The following TXLNB variants were observed in gnomAD, a reference collection of about 807,000 sequenced individuals.
TXLNB encodes the protein taxilin beta.
TXLNB carries 37 observed loss-of-function variants against 57.4 expected under a neutral mutation model. The ratio of observed to expected loss-of-function variants is 0.64; its 90% CI spans 0.50 to 0.85. The LOEUF is 0.85. Ranked by LOEUF, TXLNB falls within the 40% of genes least tolerant of loss-of-function variation. The pLI is 0.00. For synonymous variants in TXLNB, 302 were observed against 309.6 expected, an observed-to-expected ratio of 0.98 and a Z score of 0.26; for missense variants, 848 against 825.6, an observed-to-expected ratio of 1.03 and a Z score of -0.33.
At chr6:139,211,471 C>T in the TXLNB span, among the ~76,000 whole-genome samples, 1 of 152,136 alleles carries the variant, frequency 6.6e-6, no homozygotes, top group East Asian at 1.9e-4. Flanking sequence ...ACACCAAAAA[C>T]CCATCTGTAC....
Position 139,270,326 on chromosome 6 carries a change from C to T in TXLNB, c.687+130G>A, listed in dbSNP as rs1448260770. On this transcript the variant is annotated intron_variant, in intron 4 of 9. Coordinates refer to ENST00000358430, the MANE Select transcript of TXLNB (RefSeq NM_153235.4). ...AAAATTATTTAAGGTTACAAGCAAG[C>T]AAGGGGCAGAGGCAGTATTTGAACC... 5 of 837,698 alleles carry T rather than the reference C, an allele frequency of 6.0e-6. No homozygotes were observed. The East Asian group carries it at 1.0e-4, about 17-fold the overall frequency. The allele number at this position is 837,698 out of a possible 1,614,324, so 51.9% of individuals were successfully genotyped here. A position where few individuals can be genotyped will look rare whatever the true frequency, so the allele number is the denominator to read the frequency against.
chr6:139,288,670 G>A lies in TXLNB; in HGVS notation c.230C>T (p.Ala77Val), dbSNP rs746066532. Residue 77 changes from alanine (A) to valine (V), a missense_variant, in exon 2 of 10, where the codon GCA (alanine) becomes GTA (valine). Transcript: ENST00000358430. ...GGCCCTGGCAGAGCCCTCTTTCCCTGCTGTGCTGGCAGCAGACCCATAAGT... is the reference window on the plus strand; with the variant it reads ...GGCCCTGGCAGAGCCCTCTTTCCCTACTGTGCTGGCAGCAGACCCATAAGT... ...INTYGSAAST[A>V]GKEGSARASE... The A allele has an allele frequency of 5.0e-6, 8 of 1,614,134 alleles. No individual in the cohort carries two copies. Among genetic ancestry groups the A allele is most frequent in the Non-Finnish European group, 5.9e-6 (7 of 1,180,014 alleles).
chr6:139,190,874 G>A, the TXLNB span, among the ~76,000 whole-genome samples: 1 of 152,152 alleles, frequency 6.6e-6, no homozygotes, highest in Non-Finnish European at 1.5e-5. Context: ...TGCAGGAGGA[G>A]GCACAAGCGT....
chr6:139,280,792 G>A (rs1777028451), intron 2 of TXLNB, among the ~76,000 whole-genome samples: 1 of 152,144 alleles, frequency 6.6e-6, no homozygotes. Flanking sequence ...AGAAAAGACT[G>A]TGAATGTCCC....
the TXLNB span, among the ~76,000 whole-genome samples, chr6:139,318,269 C>CAAAAAAAA: frequency 1.8e-5 from 1 of 56,650 alleles, no homozygotes; most frequent in Non-Finnish European, 4.0e-5. Context: ...GACTCTGTCT[C>CAAAAAAAA]AAAAAAAAAA....
rs530797667 is a variant in TXLNB at position 139,252,778 on chromosome 6, C to T, written c.1077+2786G>A. Among the ~76,000 whole-genome samples, 13 of 152,236 alleles carry T rather than the reference C, an allele frequency of 8.5e-5. No homozygotes were observed. In the South Asian group the frequency reaches 2.5e-3, roughly 29 times the overall value. ...AGGCCGAGGTGGGCTGATCACGAGG[C>T]CAGGAGATCAAGACCATCCTGGCTA... On this transcript the variant is annotated intron_variant, in intron 7 of 9. Transcript: ENST00000358430.
chr6:139,221,201 A>G, the TXLNB span, among the ~76,000 whole-genome samples: 1 of 152,236 alleles, frequency 6.6e-6, no homozygotes, highest in Admixed American at 6.5e-5. Flanking sequence ...AGCATCCCAC[A>G]GTTTCATGGG....
At chr6:139,250,750 C>T (rs1776184807) in intron 7 of TXLNB, among the ~76,000 whole-genome samples, 2 of 152,112 alleles carry the variant, frequency 1.3e-5, no homozygotes, top group African/African-American at 4.8e-5. Context: ...TGCAGACAGA[C>T]GGGGCAGGAG....
the TXLNB span, among the ~76,000 whole-genome samples, chr6:139,228,416 C>A: frequency 6.7e-6 from 1 of 150,308 alleles, no homozygotes; most frequent in Non-Finnish European, 1.5e-5. Flanking sequence ...ATCCCAGGTA[C>A]TTGGGAGGCT....
chr6:139,213,711 C>T, the TXLNB span, among the ~76,000 whole-genome samples: 14 of 152,024 alleles, frequency 9.2e-5, no homozygotes, highest in African/African-American at 3.4e-4. Flanking sequence ...AAAAGATCAA[C>T]AAAATTGATA....
At chr6:139,282,086 T>C (rs1777066445) in intron 2 of TXLNB, among the ~76,000 whole-genome samples, 1 of 150,428 alleles carries the variant, frequency 6.6e-6, no homozygotes. Context: ...CTGTCAAGCT[T>C]TGTCTCTGCT....
Position 139,254,747 on chromosome 6 carries a change from A to AT in TXLNB, c.1077+816dup, listed in dbSNP as rs200811577. Among the ~76,000 whole-genome samples the AT allele has an allele frequency of 1.5e-3, 230 of 152,344 alleles. 3 individuals carry two copies. The East Asian group carries it at 0.027, about 18-fold the overall frequency. ...GGTTCCTGACTTGCCTGACACTTGT[A>AT]TCCATTCACCACTGACAAGGCCAAC... On this transcript the variant is annotated intron_variant, in intron 7 of 9. Coordinates refer to ENST00000358430, the MANE Select transcript of TXLNB (RefSeq NM_153235.4).
In TXLNB at chr6:139,288,487, A is replaced by G. The variant is rs999226730; in HGVS notation, c.413T>C (p.Leu138Pro). The change falls in exon 2 of 10, where the codon CTA (leucine) becomes CCA (proline). Residue 138 changes from leucine to proline, a missense_variant. By Grantham distance (98) the Leu-to-Pro change is moderately conservative. Coordinates refer to ENST00000358430, the MANE Select transcript of TXLNB (RefSeq NM_153235.4). ...NKEQKLEKKILKGLGKEANLL... is the reference protein window; with the variant it reads ...NKEQKLEKKIPKGLGKEANLL... ...ACATAACTACTTGCCTAATCCTTTT[A>G]GGATTTTCTTTTCCAATTTTTGCTC... The G allele has an allele frequency of 6.2e-7, 1 of 1,613,842 alleles. No individual in the cohort carries two copies. The highest frequency in any genetic ancestry group is 8.5e-7 in the Non-Finnish European group (1 of 1,179,952).
the TXLNB span, among the ~76,000 whole-genome samples, chr6:139,205,182 A>G: frequency 6.6e-6 from 1 of 152,308 alleles, no homozygotes; most frequent in East Asian, 1.9e-4. Context: ...CTGGAGGCCA[A>G]CCAAGTCAGG....
At chr6:139,201,337 T>G in the TXLNB span, among the ~76,000 whole-genome samples, 1 of 152,176 alleles carries the variant, frequency 6.6e-6, no homozygotes, top group South Asian at 2.1e-4. Flanking sequence ...AAACTGAAAC[T>G]AAATTGGTAA....
chr6:139,198,807 C>T, the TXLNB span, among the ~76,000 whole-genome samples: 2 of 152,192 alleles, frequency 1.3e-5, no homozygotes, highest in African/African-American at 4.8e-5. Flanking sequence ...TTCACACCAT[C>T]CCCTCAGCCT....
chr6:139,309,199 C>T, the TXLNB span, among the ~76,000 whole-genome samples: 1 of 152,230 alleles, frequency 6.6e-6, no homozygotes, highest in Non-Finnish European at 1.5e-5. Context: ...GAGGTTTCAG[C>T]AGCAAATGTT....
the TXLNB span, among the ~76,000 whole-genome samples, chr6:139,190,335 A>C: frequency 8.1e-6 from 1 of 122,866 alleles, no homozygotes; most frequent in Non-Finnish European, 1.6e-5. Context: ...TTTGAGACAG[A>C]GTCTCGCTTT....
At chr6:139,193,530 C>T in the TXLNB span, among the ~76,000 whole-genome samples, 1 of 151,938 alleles carries the variant, frequency 6.6e-6, no homozygotes, top group African/African-American at 2.4e-5. Flanking sequence ...TCTTCTTATT[C>T]TAGGACCCCA....
Sources: gnomAD v4.1 joint callset for allele counts (sites outside exome capture counted in the v4.1 genomes callset) on GRCh38, gnomAD v4.1.1 for gene constraint, MANE v1.5 for transcripts, NCBI Gene and HGNC (gene_info 2026-07-23, HGNC 2026-07-21) for gene names.